The following SFXN5 variants were observed in gnomAD, a reference collection of about 807,000 sequenced individuals.
SFXN5 encodes the protein sideroflexin 5.
Under a neutral mutation model 50.2 loss-of-function variants are expected in SFXN5, and 43 were observed. That is an observed-to-expected ratio of 0.86 (90% CI 0.67 to 1.11). The LOEUF is 1.11. SFXN5 is among the 50% of genes least tolerant of loss of function. The pLI is 0.00. For missense variants in SFXN5, 463 were observed against 454.1 expected, an observed-to-expected ratio of 1.02 and a Z score of -0.18; for synonymous variants, 203 against 185.8, an observed-to-expected ratio of 1.09 and a Z score of -0.75.
At chr2:72,947,445 C>T (rs528901414) in intron 13 of SFXN5, among the ~76,000 whole-genome samples, 23 of 152,326 alleles carry the variant, frequency 1.5e-4, no homozygotes, top group Middle Eastern at 3.4e-3. Context: ...AGAAGGTCCC[C>T]GCCGGACATT....
chr2:72,964,083 C>G (rs59737230), intron 12 of SFXN5, among the ~76,000 whole-genome samples: 31,494 of 152,190 alleles, frequency 0.21, 3,682 homozygotes, highest in East Asian at 0.48. Flanking sequence ...CAGTAGGAAG[C>G]CCAGGGACCT....
intron 9 of SFXN5, among the ~76,000 whole-genome samples, chr2:72,990,092 C>T (rs1672397748): frequency 6.6e-6 from 1 of 152,246 alleles, no homozygotes; most frequent in Non-Finnish European, 1.5e-5. Context: ...ACAGCCCAGC[C>T]CAGGCTGCGA....
chr2:73,070,286 G>A (rs746038294), intron 1 of SFXN5, among the ~76,000 whole-genome samples: 9 of 152,138 alleles, frequency 5.9e-5, no homozygotes, highest in Non-Finnish European at 8.8e-5. Context: ...ATGCTGAGAT[G>A]GCCTACTTTT....
At chr2:73,040,793 G>T in intron 3 of SFXN5, 61 bp downstream of exon 3, 1 of 1,401,314 alleles carries the variant, frequency 7.1e-7, no homozygotes, top group Non-Finnish European at 1.0e-6. Context: ...CGAAGGGTTT[G>T]TGAATTTCTC....
In SFXN5 at chr2:72,971,578, C is replaced by T. The variant is rs368884239; in HGVS notation, c.733G>A (p.Ala245Thr). ...CGAACCCCCAGACCCACGTGTCGGGCTGCGATCTTGGAGGAGCCCACGAGG... is the reference window on the plus strand; with the variant it reads ...CGAACCCCCAGACCCACGTGTCGGGTTGCGATCTTGGAGGAGCCCACGAGG... ...GNLVGSSKIAARHALLETALT... is the reference protein window; with the variant it reads ...GNLVGSSKIATRHALLETALT... Residue 245 changes from alanine to threonine, a missense_variant, in exon 11 of 14, where the codon GCC becomes ACC. Coordinates refer to ENST00000272433, the MANE Select transcript of SFXN5 (RefSeq NM_144579.3). 6.2e-6 allele frequency: 10 copies of T among 1,613,616 alleles called. No homozygotes were observed. In the African/African-American group the frequency reaches 1.2e-4, roughly 19 times the overall value.
At chr2:73,071,422 C>T (rs1255448929) in intron 1 of SFXN5, 182 bp downstream of exon 1, 8 of 593,288 alleles carry the variant, frequency 1.3e-5, no homozygotes, top group Non-Finnish European at 1.5e-5. Context: ...GATGGGAGTC[C>T]GCGCCCGCCC....
chr2:72,962,703 G>A (rs553217149), intron 12 of SFXN5, among the ~76,000 whole-genome samples: 15 of 152,334 alleles, frequency 9.8e-5, no homozygotes, highest in African/African-American at 2.9e-4. Context: ...CTGGCACACA[G>A]TAAGTGCTCA....
At chr2:72,988,471 C>T (rs1672178546) in intron 9 of SFXN5, 123 bp from the exon 10 acceptor site, 1 of 818,874 alleles carries the variant, frequency 1.2e-6, no homozygotes, top group Non-Finnish European at 1.9e-6. Context: ...CACAACTGCA[C>T]CTCACACCCC....
chr2:73,007,046 G>C (rs1019295892), intron 6 of SFXN5, among the ~76,000 whole-genome samples: 2 of 152,182 alleles, frequency 1.3e-5, no homozygotes, highest in Non-Finnish European at 2.9e-5. Context: ...AGAGAGATGA[G>C]GTCTCAATCT....
At chr2:73,016,047 G>A (rs948295346) in intron 6 of SFXN5, among the ~76,000 whole-genome samples, 1 of 151,044 alleles carries the variant, frequency 6.6e-6, no homozygotes, top group African/African-American at 2.4e-5. Flanking sequence ...TAAATGTATT[G>A]CCTTGAGTTG....
chr2:73,042,433 T>G (rs969728013), intron 2 of SFXN5: 4 of 152,092 alleles, frequency 2.6e-5, no homozygotes, highest in African/African-American at 9.6e-5. Context: ...ACCAACATGA[T>G]GAAACCCCGT....
At chr2:73,029,283 C>T (rs1027613305) in intron 3 of SFXN5, among the ~76,000 whole-genome samples, 2 of 152,164 alleles carry the variant, frequency 1.3e-5, no homozygotes, top group African/African-American at 2.4e-5. Flanking sequence ...GTTCAGCCTC[C>T]GAAACCTGGG....
chr2:73,033,038 T>C (rs1678521004), intron 3 of SFXN5, among the ~76,000 whole-genome samples: 1 of 152,268 alleles, frequency 6.6e-6, no homozygotes, highest in Middle Eastern at 3.4e-3. Flanking sequence ...ATACACGCAG[T>C]TTGTTTCTAT....
At chr2:72,997,248 A>G (rs1327544654) in intron 9 of SFXN5, 2 of 152,244 alleles carry the variant, frequency 1.3e-5, no homozygotes, top group African/African-American at 4.8e-5. Context: ...CCATTTCAGG[A>G]CAACCCCAAG....
In SFXN5 at chr2:72,950,262, C is replaced by G. The variant is rs1219709465; in HGVS notation, c.946-5163G>C. ...ACAAACACTGAGCAGCCATGAGCGT[C>G]AGAGAGAGTTTTCTGAGAGTTGTCC... On this transcript the variant is annotated intron_variant, in intron 13 of 13. Transcript: ENST00000272433. The surrounding 1 kb of genome is among the most constrained non-coding windows in gnomAD (Gnocchi z 4.2). Among the ~76,000 whole-genome samples, 1 of 152,146 alleles carries G rather than the reference C, an allele frequency of 6.6e-6. No homozygotes were observed. The highest frequency in any genetic ancestry group is 2.4e-5 in the African/African-American group (1 of 41,404).
rs1429550165 is a variant in SFXN5, at chr2:72,987,046, T to C, written c.625+1212A>G. Among the ~76,000 whole-genome samples, 6 of 152,228 alleles carry C rather than the reference T, an allele frequency of 3.9e-5. 1 individual carries two copies. The highest frequency in any genetic ancestry group is 3.9e-4 in the East Asian group (2 of 5,192). On this transcript the variant is annotated intron_variant, in intron 10 of 13. Transcript: ENST00000272433. ...TTCTAAATGCATAAAACAAAACACA[T>C]AGGATCACAAAGGGATCATCCTGAA...
Position 73,037,167 on chromosome 2 carries a change from C to A in SFXN5, c.249+3687G>T, listed in dbSNP as rs151149860. Among the ~76,000 whole-genome samples the A allele has an allele frequency of 5.6e-4, 86 of 152,354 alleles. 1 individual carries two copies. The East Asian group carries it at 0.015, about 27-fold the overall frequency. The stretch of plus-strand genomic sequence containing the variant: ...TGTGCACCTCCTTGCCTGGACCACC[C>A]CCACCTGCTCTTCACCAGCCCTGTC... On this transcript the variant is annotated intron_variant, in intron 3 of 13. Transcript: ENST00000272433.
chr2:72,999,742 A>G (rs918033566), intron 8 of SFXN5, among the ~76,000 whole-genome samples: 1 of 152,138 alleles, frequency 6.6e-6, no homozygotes, highest in African/African-American at 2.4e-5. Context: ...CTCTCCCCCA[A>G]GGTGAGCAAA....
chr2:73,020,168 G>T, intron 6 of SFXN5, 71 bp downstream of exon 6: 1 of 1,404,008 alleles, frequency 7.1e-7, no homozygotes, highest in Non-Finnish European at 1.0e-6. Context: ...AAATACCCGT[G>T]AGCAATAACA....
Sources: gnomAD v4.1 joint callset for allele counts (sites outside exome capture counted in the v4.1 genomes callset) on GRCh38, gnomAD v4.1.1 for gene constraint, Gnocchi (gnomAD v3.1) non-coding constraint, MANE v1.5 for transcripts, NCBI Gene and HGNC (gene_info 2026-07-23, HGNC 2026-07-21) for gene names.